The following SLC4A4 variants were observed in gnomAD, a reference collection of about 807,000 sequenced individuals.
SLC4A4 encodes solute carrier family 4 member 4, also known as electrogenic sodium bicarbonate cotransporter 1.
SLC4A4 carries 27 observed loss-of-function variants against 111.5 expected under a neutral mutation model. That is an observed-to-expected ratio of 0.24 (90% CI 0.18 to 0.33). SLC4A4 has a LOEUF of 0.33. Among genes scored for constraint, SLC4A4 ranks in the 10% least tolerant of loss-of-function variants. SLC4A4 has a pLI of 1.00. For synonymous variants in SLC4A4, 443 were observed against 463.4 expected (o/e 0.96, Z 0.57); for missense variants, 909 against 1,315.5 (o/e 0.69, Z 4.78).
intron 12 of SLC4A4, among the ~76,000 whole-genome samples, chr4:71,463,263 T>C (rs938346541): frequency 3.3e-5 from 5 of 152,184 alleles, no homozygotes; most frequent in African/African-American, 1.2e-4. Flanking sequence ...GAGTTATGGC[T>C]TTTAAAAATA....
chr4:71,119,733 C>T (rs949367674), intron 2 of SLC4A4, among the ~76,000 whole-genome samples: 1 of 152,180 alleles, frequency 6.6e-6, no homozygotes, highest in Non-Finnish European at 1.5e-5. Flanking sequence ...ATTGCTTCTA[C>T]ATCTTTCTCT....
chr4:71,566,917 G>A (rs778743047), intron 24 of SLC4A4, 87 bp from the exon 25 acceptor site: 7 of 1,002,068 alleles, frequency 7.0e-6, no homozygotes, highest in Non-Finnish European at 9.3e-6. Flanking sequence ...TACCAGTTAT[G>A]GAAGATGCAT....
At chr4:71,261,742 C>G (rs1034794158) in intron 3 of SLC4A4, among the ~76,000 whole-genome samples, 1 of 152,164 alleles carries the variant, frequency 6.6e-6, no homozygotes, top group Admixed American at 6.5e-5. Context: ...TTTCTTGTTG[C>G]CACTGGCTAT....
At chr4:71,101,491 T>A (rs1742732098) in intron 2 of SLC4A4, among the ~76,000 whole-genome samples, 1 of 152,186 alleles carries the variant, frequency 6.6e-6, no homozygotes, top group African/African-American at 2.4e-5. Context: ...CAGAACTCTT[T>A]TCATCTTGCA....
intron 12 of SLC4A4, 54 bp downstream of exon 12, chr4:71,453,723 AC>A: frequency 2.6e-6 from 4 of 1,530,970 alleles, no homozygotes; most frequent in Non-Finnish European, 3.6e-6. Flanking sequence ...TGCCTTCCTC[AC>A]CCCTACAGCT....
intron 17 of SLC4A4, among the ~76,000 whole-genome samples, chr4:71,533,580 GAC>G (rs1734135068): frequency 6.7e-6 from 1 of 150,308 alleles, no homozygotes; most frequent in Admixed American, 6.8e-5. Flanking sequence ...CTGCAAAAAT[GAC>G]AGTTTTTTCC....
chr4:71,464,904 G>T (rs1349630338), intron 12 of SLC4A4, among the ~76,000 whole-genome samples: 1 of 152,116 alleles, frequency 6.6e-6, no homozygotes, highest in Non-Finnish European at 1.5e-5. Flanking sequence ...AGTTTTGTAA[G>T]TTGATTTAAA....
intron 3 of SLC4A4, among the ~76,000 whole-genome samples, chr4:71,287,615 C>G (rs972267255): frequency 6.6e-6 from 1 of 152,136 alleles, no homozygotes. Context: ...TTATTTTAAT[C>G]AAATACATCT....
At chr4:71,527,348 ATT>A (rs2149202823) in intron 16 of SLC4A4, among the ~76,000 whole-genome samples, 1 of 152,214 alleles carries the variant, frequency 6.6e-6, no homozygotes, top group South Asian at 2.1e-4. Context: ...TTTCAACATA[ATT>A]TGCTGACCAA....
At chr4:71,098,285 C>T (rs1177492461) in intron 2 of SLC4A4, among the ~76,000 whole-genome samples, 2 of 152,110 alleles carry the variant, frequency 1.3e-5, no homozygotes, top group African/African-American at 4.8e-5. Flanking sequence ...AATAGGTAGC[C>T]CTTTCCCCGT....
intron 4 of SLC4A4, among the ~76,000 whole-genome samples, chr4:71,342,007 C>A (rs1277990725): frequency 6.6e-6 from 1 of 152,074 alleles, no homozygotes; most frequent in African/African-American, 2.4e-5. Flanking sequence ...CTGGGTAATT[C>A]TCTTTCTAAT....
intron 3 of SLC4A4, among the ~76,000 whole-genome samples, chr4:71,283,420 G>C (rs968652979): frequency 1.3e-5 from 2 of 152,160 alleles, no homozygotes; most frequent in Non-Finnish European, 2.9e-5. Context: ...GTCACACAGG[G>C]TTGCACTAGG....
At chr4:71,483,672 C>T (rs1056528956) in intron 14 of SLC4A4, among the ~76,000 whole-genome samples, 1 of 151,844 alleles carries the variant, frequency 6.6e-6, no homozygotes, top group Non-Finnish European at 1.5e-5. Context: ...AATTTGTATT[C>T]CATTGGGTAT....
chr4:71,302,662 T>C (rs1035342315), intron 3 of SLC4A4, among the ~76,000 whole-genome samples: 3 of 152,166 alleles, frequency 2.0e-5, no homozygotes, highest in Non-Finnish European at 2.9e-5. Flanking sequence ...GTCTTGAATG[T>C]GTAGTTTTTG....
chr4:71,343,203 A>G (rs867346013), intron 4 of SLC4A4, among the ~76,000 whole-genome samples: 2 of 152,182 alleles, frequency 1.3e-5, no homozygotes, highest in Non-Finnish European at 1.5e-5. Flanking sequence ...TGTTCTGAAT[A>G]TAATACTTTC....
At chr4:71,222,985 A>T (rs1259399338) in intron 1 of SLC4A4, among the ~76,000 whole-genome samples, 1 of 152,156 alleles carries the variant, frequency 6.6e-6, no homozygotes, top group African/African-American at 2.4e-5. Flanking sequence ...GCAGATGGAA[A>T]TTAGATGCTG....
At chr4:71,411,081 T>C (rs1721321463) in intron 7 of SLC4A4, among the ~76,000 whole-genome samples, 1 of 152,202 alleles carries the variant, frequency 6.6e-6, no homozygotes, top group African/African-American at 2.4e-5. Context: ...CTGTTGCCTT[T>C]ATGATAAAGC....
At chr4:71,394,731 A>C (rs901182234) in intron 6 of SLC4A4, among the ~76,000 whole-genome samples, 6 of 152,188 alleles carry the variant, frequency 3.9e-5, no homozygotes, top group African/African-American at 1.4e-4. Context: ...TATAGGATGG[A>C]ATACTACTCA....
At position 71,534,242 on chromosome 4, in the gene SLC4A4, C is replaced by G. The variant is rs571728694; in HGVS notation, c.2296C>G (p.Arg766Gly). The change falls in exon 18 of 26, where the codon CGA becomes GGA. Residue 766 changes from arginine to glycine, a missense_variant. Transcript: ENST00000264485. ...CTTTTTCAAGCCAACAAGTCCAAAC[C>G]GAGGTTGGTTCGTTCCACCGTTTGG... is the stretch of plus-strand genomic sequence containing the variant. ...PSEFKPTSPN[R>G]GWFVPPFGEN... 1.7e-5 allele frequency: 28 copies of G among 1,613,500 alleles called. No homozygotes were observed. In the South Asian group the frequency reaches 3.1e-4, roughly 18 times the overall value.
Sources: gnomAD v4.1 joint callset for allele counts (sites outside exome capture counted in the v4.1 genomes callset) on GRCh38, gnomAD v4.1.1 for gene constraint, MANE v1.5 for transcripts, NCBI Gene and HGNC (gene_info 2026-07-23, HGNC 2026-07-21) for gene names.